Variants in BRME1 observed in about 807,000 individuals in gnomAD.
BRME1 encodes the protein break repair meiotic recombinase recruitment factor 1, also known as BRCA2 and MEILB2-associating protein 1.
A neutral mutation model predicts 52.6 loss-of-function variants in BRME1; 31 were observed. The ratio of observed to expected loss-of-function variants is 0.59; its 90% CI spans 0.44 to 0.80. The LOEUF is 0.80. BRME1 is among the 30% of genes least tolerant of loss of function. The pLI is 0.00. For synonymous variants in BRME1, 359 were observed against 353.6 expected, an observed-to-expected ratio of 1.02 and a Z score of -0.17; for missense variants, 804 against 860.3, an observed-to-expected ratio of 0.93 and a Z score of 0.82.
At chr19:13,901,941 G>A (rs1267948346) in intron 2 of BRME1, among the ~76,000 whole-genome samples, 3 of 151,688 alleles carry the variant, frequency 2.0e-5, no homozygotes, top group African/African-American at 7.3e-5. Flanking sequence ...TCCGGAGGCT[G>A]AGGTGGGAAG....
Position 13,882,588 on chromosome 19 carries a change from G to GTT in BRME1, c.*212_*213dup. The GTT allele has an allele frequency of 3.3e-6, 2 of 603,290 alleles. No individual in the cohort carries two copies. Among genetic ancestry groups the GTT allele is most frequent in the East Asian group, 5.9e-5 (2 of 34,070 alleles). The allele number at this position is 603,290 out of a possible 1,614,324, so 37.4% of individuals were successfully genotyped here. On this transcript the variant is annotated 3_prime_UTR_variant, in exon 9 of 9. Coordinates refer to ENST00000586783, the MANE Select transcript of BRME1 (RefSeq NM_001345843.2). Reference sequence around the variant, plus strand: ...AGTCACTGGGGCTGTGGGAGACACAGTTTCCCTCCCTGAAGCCAAGGGTGG... The same window carrying GTT: ...AGTCACTGGGGCTGTGGGAGACACAGTTTTTCCCTCCCTGAAGCCAAGGGTGG...
In BRME1 at chr19:13,889,854, G is replaced by A. The variant is rs973551310; in HGVS notation, c.1002C>T (p.Leu334=). The change falls in exon 6 of 9, where the codon CTC becomes CTT. Residue 334 remains leucine (L), a synonymous_variant. Coordinates refer to ENST00000586783, the MANE Select transcript of BRME1 (RefSeq NM_001345843.2). ...GTHSSLGCSS[L]GMVVIADLST... ...TCAGGTCTGCGATGACAACCATCCC[G>A]AGGGAGGAGCATCCCAGGCTGCTAT... is the stretch of plus-strand genomic sequence containing the variant. 16 of 1,613,250 alleles carry A rather than the reference G, an allele frequency of 9.9e-6. No homozygotes were observed. The highest frequency in any genetic ancestry group is 1.6e-4 in the Middle Eastern group (1 of 6,062).
chr19:13,893,332 G>A, intron 3 of BRME1, 109 bp from the exon 4 acceptor site: 1 of 832,152 alleles, frequency 1.2e-6, no homozygotes, highest in Non-Finnish European at 1.9e-6. Flanking sequence ...GAGGCCAGGA[G>A]TTCGAGACCA....
At chr19:13,884,423 T>C (rs1968851813) in intron 7 of BRME1, among the ~76,000 whole-genome samples, 1 of 151,700 alleles carries the variant, frequency 6.6e-6, no homozygotes, top group Non-Finnish European at 1.5e-5. Flanking sequence ...TCCAGGAGTT[T>C]GAGACCAGCC....
chr19:13,889,059 G>T, intron 6 of BRME1, 129 bp downstream of exon 6: 1 of 843,236 alleles, frequency 1.2e-6, no homozygotes, highest in Non-Finnish European at 1.8e-6. Context: ...TCCTATAGTC[G>T]TTGGCTGTGT....
At chr19:13,886,752 G>C (rs1376205040) in intron 6 of BRME1, among the ~76,000 whole-genome samples, 1 of 146,570 alleles carries the variant, frequency 6.8e-6, no homozygotes, top group Non-Finnish European at 1.5e-5. Context: ...TTGAGGCCAA[G>C]AGTTCCAGAC....
rs1373301226 is a variant in BRME1 at position 13,882,879 on chromosome 19, C to T, written c.1930G>A (p.Gly644Ser). The T allele has an allele frequency of 2.5e-6, 4 of 1,613,910 alleles. No homozygotes were observed. The highest frequency in any genetic ancestry group is 3.3e-5 in the Admixed American group (2 of 59,966). Reference protein sequence around the residue: ...RLNYRKTKLGGKAPLPYPSKG... With the variant: ...RLNYRKTKLGSKAPLPYPSKG... ...GAAGGGTAAGGCAGGGGGGCTTTGC[C>T]TCCCAGCTTTGTCTTCCGGTAGTTA... Residue 644 changes from glycine (G) to serine (S), a missense_variant, in exon 9 of 9, where the codon GGC (glycine) becomes AGC (serine). Physicochemically the swap from Gly to Ser is moderately conservative, Grantham distance 56. Transcript: ENST00000586783.
In BRME1 at chr19:13,882,742, TGGA is replaced by T. The variant is rs1466270304; in HGVS notation, c.*57_*59del. On this transcript the variant is annotated 3_prime_UTR_variant, in exon 9 of 9. Coordinates refer to ENST00000586783, the MANE Select transcript of BRME1 (RefSeq NM_001345843.2). ...TCCACTAGGACCCCCTGGAGCATCT[TGGA>T]GGAGGTCTGCGGACATGGGGGCTGG... is the stretch of plus-strand genomic sequence containing the variant. 6.9e-6 allele frequency: 11 copies of T among 1,602,226 alleles called. No individual in the cohort carries two copies. The South Asian group carries it at 1.1e-4, about 16-fold the overall frequency.
chr19:13,883,569 C>T lies in BRME1; in HGVS notation c.1764-169G>A, dbSNP rs1968790436. 3.4e-6 allele frequency: 2 copies of T among 585,562 alleles called. No individual in the cohort carries two copies. Among genetic ancestry groups the T allele is most frequent in the Admixed American group, 5.7e-5 (2 of 34,806 alleles). 36.3% of individuals were successfully genotyped at this position (585,562 alleles called of 1,614,324 possible). ...GGCCAACCCAGCTGGCTCCACTGCC[C>T]AGCAGGCCCAGAACCCAACCGCTTC... is the stretch of plus-strand genomic sequence containing the variant. On this transcript the variant is annotated intron_variant, in intron 7 of 8. Coordinates refer to ENST00000586783, the MANE Select transcript of BRME1 (RefSeq NM_001345843.2). The surrounding 1 kb of genome is among the most constrained non-coding windows in gnomAD (Gnocchi z 4.2).
intron 2 of BRME1, among the ~76,000 whole-genome samples, chr19:13,903,025 A>G (rs1405622114): frequency 6.6e-6 from 1 of 151,952 alleles, no homozygotes; most frequent in Admixed American, 6.6e-5. Flanking sequence ...TGGCTATGCT[A>G]GATGTCAACA....
intron 5 of BRME1, among the ~76,000 whole-genome samples, 172 bp from the exon 6 acceptor site, chr19:13,890,634 G>T (rs192371042): frequency 2.0e-5 from 3 of 152,318 alleles, no homozygotes; most frequent in African/African-American, 4.8e-5. Flanking sequence ...GGAGGCCGAG[G>T]TGGGCGGATC....
At chr19:13,889,093 C>T in intron 6 of BRME1, 95 bp downstream of exon 6, 2 of 1,198,134 alleles carry the variant, frequency 1.7e-6, no homozygotes, top group African/African-American at 1.5e-5. Context: ...TGAGCCCCAG[C>T]TCCCCCTCTG....
intron 2 of BRME1, among the ~76,000 whole-genome samples, chr19:13,897,624 G>A (rs918844636): frequency 3.3e-5 from 5 of 152,222 alleles, no homozygotes; most frequent in Non-Finnish European, 7.3e-5. Flanking sequence ...CCAGGACTTT[G>A]GGAGGCCGAG....
intron 3 of BRME1, 95 bp downstream of exon 3, chr19:13,895,277 G>A: frequency 4.5e-6 from 6 of 1,344,684 alleles, no homozygotes; most frequent in Non-Finnish European, 5.1e-6. Flanking sequence ...TAGATAGGTT[G>A]TGGGTCTCTT....
At chr19:13,905,180 T>C (rs1015978951) in intron 1 of BRME1, among the ~76,000 whole-genome samples, 1 of 152,056 alleles carries the variant, frequency 6.6e-6, no homozygotes, top group Non-Finnish European at 1.5e-5. Flanking sequence ...GGGGTCCTTA[T>C]AGATAGCCCC....
chr19:13,883,301 C>A lies in BRME1; in HGVS notation c.1856+7G>T. ...CCCTGTGCCGTGAGTCCAAGCCCAC[C>A]CCGTACTTCAGGTTGGAGAGCTCAA... On this transcript the variant is annotated splice_region_variant and intron_variant, in intron 8 of 8. Coordinates refer to ENST00000586783, the MANE Select transcript of BRME1 (RefSeq NM_001345843.2). The surrounding 1 kb of genome is among the most constrained non-coding windows in gnomAD (Gnocchi z 4.2). The A allele has an allele frequency of 6.5e-7, 1 of 1,531,620 alleles. No homozygotes were observed. The highest frequency in any genetic ancestry group is 2.5e-5 in the East Asian group (1 of 40,680). The allele number at this position is 1,531,620 out of a possible 1,614,324, so 94.9% of individuals were successfully genotyped here. A position where few individuals can be genotyped will look rare whatever the true frequency, so the allele number is the denominator to read the frequency against.
In BRME1 at chr19:13,882,932, T is replaced by A; in HGVS notation, c.1877A>T (p.His626Leu). ...SNLNRLIMGT[H>L]RDLEAFKRLN... ...GCGCTTGAAAGCTTCCAGGTCCCGG[T>A]GGGTGCCCATGATCAGCCGGCTGTG... The change falls in exon 9 of 9, where the codon CAC becomes CTC. Residue 626 changes from histidine (H) to leucine (L), a missense_variant. His to Leu is a moderately conservative substitution (Grantham distance 99). Transcript: ENST00000586783. 6.2e-7 allele frequency: 1 copy of A among 1,613,352 alleles called. No homozygotes were observed. Among genetic ancestry groups the A allele is most frequent in the South Asian group, 1.1e-5 (1 of 91,048 alleles).
In BRME1 at chr19:13,892,864, C is replaced by T; in HGVS notation, c.315G>A (p.Gln105=). The part of the protein sequence containing the change: ...SQNSFGRFVP[Q]FAKSRKTVTR... ...TCACTGTCTTCCTGGATTTTGCAAA[C>T]TGGGGAACAAACCTCCCGAATGAGT... Residue 105 remains glutamine (Q), a synonymous_variant, in exon 5 of 9, where the codon CAG becomes CAA. Coordinates refer to ENST00000586783, the MANE Select transcript of BRME1 (RefSeq NM_001345843.2). 1 of 1,614,148 alleles carries T rather than the reference C, an allele frequency of 6.2e-7. No individual in the cohort carries two copies. The highest frequency in any genetic ancestry group is 8.5e-7 in the Non-Finnish European group (1 of 1,179,958).
chr19:13,887,345 C>A (rs993963317), intron 6 of BRME1, among the ~76,000 whole-genome samples: 1 of 152,240 alleles, frequency 6.6e-6, no homozygotes, highest in Non-Finnish European at 1.5e-5. Context: ...AAGCCAAACA[C>A]GCCCAGGCCC....
Sources: gnomAD v4.1 joint callset for allele counts (sites outside exome capture counted in the v4.1 genomes callset) on GRCh38, gnomAD v4.1.1 for gene constraint, Gnocchi (gnomAD v3.1) non-coding constraint, MANE v1.5 for transcripts, NCBI Gene and HGNC (gene_info 2026-07-23, HGNC 2026-07-21) for gene names.